RORA: variants seen among roughly 807,000 people sequenced by gnomAD.
RORA encodes the protein nuclear receptor ROR-alpha.
RORA carries 7 observed loss-of-function variants against 69.5 expected under a neutral mutation model. The observed-to-expected ratio is 0.10, with a 90% CI of 0.06 to 0.19. The LOEUF (loss-of-function observed/expected upper bound fraction) is 0.19. Ranked by LOEUF, RORA falls within the 10% of genes least tolerant of loss-of-function variation. The probability of loss-of-function intolerance (pLI) is 1.00; values close to 1 mark genes in which losing one functional copy is unlikely to be tolerated. For synonymous variants in RORA, 261 were observed against 240.8 expected (o/e 1.08, Z -0.78); for missense variants, 457 against 663.0 (o/e 0.69, Z 3.41).
chr15:60,636,564 A>G (rs1023109274), intron 2 of RORA, among the ~76,000 whole-genome samples: 7 of 152,318 alleles, frequency 4.6e-5, no homozygotes, highest in African/African-American at 1.7e-4. Context: ...AGTACAAGAC[A>G]TAGATTTCTG....
chr15:60,566,123 C>T (rs184226551), intron 2 of RORA, among the ~76,000 whole-genome samples: 15 of 152,294 alleles, frequency 9.8e-5, no homozygotes, highest in Admixed American at 8.5e-4. Flanking sequence ...CCCACCTATA[C>T]ATAAATAAGC....
chr15:61,179,548 A>G (rs2079662856), intron 1 of RORA, among the ~76,000 whole-genome samples: 1 of 152,314 alleles, frequency 6.6e-6, no homozygotes, highest in South Asian at 2.1e-4. Context: ...TTGGATGGTA[A>G]GTATCAATAA....
Position 61,192,872 on chromosome 15 carries a change from C to T in RORA, c.166+36181G>A, listed in dbSNP as rs182462861. Among the ~76,000 whole-genome samples the T allele has an allele frequency of 8.9e-4, 136 of 152,290 alleles. 1 individual carries two copies. The highest frequency in any genetic ancestry group is 3.2e-3 in the African/African-American group (131 of 41,564). On this transcript the variant is annotated intron_variant, in intron 1 of 10. Transcript: ENST00000335670. ...TGAAACGGAGCTAACACTTGCCTTACAGGGCTGTTGTGAGGTCAAACAGAC... is the reference window on the plus strand; with the variant it reads ...TGAAACGGAGCTAACACTTGCCTTATAGGGCTGTTGTGAGGTCAAACAGAC...
intron 1 of RORA, among the ~76,000 whole-genome samples, chr15:61,220,845 C>T (rs2080089029): frequency 6.6e-6 from 1 of 152,184 alleles, no homozygotes; most frequent in African/African-American, 2.4e-5. Context: ...CATTCCCAGC[C>T]ATTTCAGAGT....
chr15:60,659,235 A>G (rs1311364004), intron 2 of RORA, among the ~76,000 whole-genome samples: 2 of 152,218 alleles, frequency 1.3e-5, no homozygotes, highest in Admixed American at 6.5e-5. Context: ...ATTTTAAAGG[A>G]CAAGATTGGC....
At chr15:60,671,705 G>A (rs1266560455) in intron 2 of RORA, among the ~76,000 whole-genome samples, 5 of 151,298 alleles carry the variant, frequency 3.3e-5, no homozygotes, top group Non-Finnish European at 7.4e-5. Context: ...TCTGCCTCCC[G>A]GGTTCAAGTG....
chr15:60,836,598 C>T (rs1404544804), intron 1 of RORA, among the ~76,000 whole-genome samples: 1 of 152,218 alleles, frequency 6.6e-6, no homozygotes, highest in African/African-American at 2.4e-5. Flanking sequence ...TCCCTGAACA[C>T]TTCCACCCAC....
intron 1 of RORA, among the ~76,000 whole-genome samples, chr15:60,771,047 T>C (rs541595390): frequency 1.1e-4 from 16 of 152,358 alleles, no homozygotes; most frequent in African/African-American, 3.6e-4. Flanking sequence ...TCTGGGCATG[T>C]TGTATTTTTA....
At chr15:61,228,450 AAAG>A (rs2080168610) in intron 1 of RORA, among the ~76,000 whole-genome samples, 1 of 151,310 alleles carries the variant, frequency 6.6e-6, no homozygotes, top group African/African-American at 2.4e-5. Flanking sequence ...GCCGTGCTCC[AAAG>A]AAGGTGTCCA....
chr15:60,873,223 T>C (rs1263535383), intron 1 of RORA, among the ~76,000 whole-genome samples: 1 of 135,436 alleles, frequency 7.4e-6, no homozygotes, highest in Non-Finnish European at 1.6e-5. Flanking sequence ...TGGGTAAAGG[T>C]CGTGTGTGTG....
chr15:61,202,094 G>A lies in RORA; in HGVS notation c.166+26959C>T, dbSNP rs541873192. 8.0e-5 allele frequency among the ~76,000 whole-genome samples: 12 copies of A among 149,676 alleles called. No individual in the cohort carries two copies. In the South Asian group the frequency reaches 1.7e-3, roughly 21 times the overall value. ...GCGATCTCAGCTTATTGCAACCTCC[G>A]CCTCCCAGGTTCAAGCGATTCTCCT... On this transcript the variant is annotated intron_variant, in intron 1 of 10. Coordinates refer to ENST00000335670, the MANE Select transcript of RORA (RefSeq NM_134261.3).
chr15:61,081,725 G>A (rs1017938699), intron 1 of RORA, among the ~76,000 whole-genome samples: 8 of 151,380 alleles, frequency 5.3e-5, no homozygotes, highest in Middle Eastern at 3.4e-3. Flanking sequence ...GAAGGATGGC[G>A]TGAACCTGGG....
intron 1 of RORA, among the ~76,000 whole-genome samples, chr15:60,975,281 G>C (rs1395629374): frequency 6.6e-6 from 1 of 152,128 alleles, no homozygotes; most frequent in Non-Finnish European, 1.5e-5. Context: ...ACATTGTGAA[G>C]ATATGCAAAG....
intron 3 of RORA, among the ~76,000 whole-genome samples, chr15:60,516,238 T>TATATTA (rs2065951489): frequency 1.7e-5 from 1 of 59,216 alleles, no homozygotes; most frequent in African/African-American, 9.6e-5. Context: ...TATATATTTA[T>TATATTA]ATATATATAT....
chr15:60,961,176 T>G (rs1893404486), intron 1 of RORA, among the ~76,000 whole-genome samples: 1 of 152,208 alleles, frequency 6.6e-6, no homozygotes, highest in African/African-American at 2.4e-5. Flanking sequence ...ATAACATTTC[T>G]TTTCTCATGT....
At chr15:60,943,104 T>C (rs1029978764) in intron 1 of RORA, among the ~76,000 whole-genome samples, 2 of 152,260 alleles carry the variant, frequency 1.3e-5, no homozygotes, top group African/African-American at 2.4e-5. Flanking sequence ...CATCATGTTC[T>C]AAATCAAGTC....
At chr15:60,616,161 A>G (rs964999003) in intron 2 of RORA, among the ~76,000 whole-genome samples, 1 of 152,230 alleles carries the variant, frequency 6.6e-6, no homozygotes, top group Non-Finnish European at 1.5e-5. Flanking sequence ...ACTTAGGCAC[A>G]CATATGTATT....
chr15:61,004,955 A>G (rs1297263344), intron 1 of RORA, among the ~76,000 whole-genome samples: 7 of 152,230 alleles, frequency 4.6e-5, no homozygotes, highest in Admixed American at 3.3e-4. Flanking sequence ...TCAAAGTTGG[A>G]ATAGAAATGA....
chr15:60,779,391 C>T (rs747943446), intron 1 of RORA, among the ~76,000 whole-genome samples: 6 of 152,120 alleles, frequency 3.9e-5, no homozygotes, highest in Non-Finnish European at 7.3e-5. Context: ...CATTTAAATG[C>T]CCAGGGCAGT....
Sources: allele counts gnomAD v4.1 joint callset (sites outside exome capture counted in the v4.1 genomes callset), GRCh38; gene constraint gnomAD v4.1.1; transcripts MANE v1.5; gene names NCBI Gene and HGNC (gene_info 2026-07-23, HGNC 2026-07-21).